FOCAD: variants seen among roughly 807,000 people sequenced by gnomAD.
FOCAD encodes the protein focadhesin, also known as KIAA1797.
In FOCAD, 198 loss-of-function variants were observed where a neutral mutation model predicts 225.6. The ratio of observed to expected loss-of-function variants is 0.88; its 90% CI spans 0.78 to 0.99. FOCAD has a LOEUF of 0.99. Among genes scored for constraint, FOCAD ranks in the 50% least tolerant of loss-of-function variants. The pLI is 0.00. For synonymous variants in FOCAD, 897 were observed against 755.0 expected (o/e 1.19, Z -3.08); for missense variants, 2,713 against 2,123.6 (o/e 1.28, Z -5.46).
intron 24 of FOCAD, among the ~76,000 whole-genome samples, chr9:20,922,420 G>A (rs1834527262): frequency 6.6e-6 from 1 of 152,190 alleles, no homozygotes; most frequent in African/African-American, 2.4e-5. Flanking sequence ...AAGGGAGAGG[G>A]GGAAGGAAGG....
intron 4 of FOCAD, among the ~76,000 whole-genome samples, chr9:20,724,455 A>G (rs1418260407): frequency 3.3e-5 from 5 of 152,200 alleles, no homozygotes; most frequent in African/African-American, 1.2e-4. Context: ...GATGCTGGAC[A>G]TTTTAAACAA....
intron 18 of FOCAD, among the ~76,000 whole-genome samples, chr9:20,868,985 A>T (rs185119176): frequency 2.8e-4 from 42 of 152,306 alleles, no homozygotes; most frequent in Admixed American, 2.7e-3. Context: ...AAGTCCAGAA[A>T]GTGTTCAATG....
chr9:20,755,112 T>C (rs1038569614), intron 5 of FOCAD, among the ~76,000 whole-genome samples: 9 of 152,230 alleles, frequency 5.9e-5, no homozygotes, highest in African/African-American at 2.2e-4. Context: ...TCTCCTCTTA[T>C]ACTTCCCTTT....
chr9:20,986,232 T>A, intron 39 of FOCAD, 56 bp from the exon 40 acceptor site: 1 of 1,387,030 alleles, frequency 7.2e-7, no homozygotes, highest in Non-Finnish European at 9.4e-7. Context: ...TGAAATTCTG[T>A]AGCTACTTCA....
At chr9:20,662,718 A>G (rs915295343) in intron 2 of FOCAD, among the ~76,000 whole-genome samples, 25 of 152,040 alleles carry the variant, frequency 1.6e-4, no homozygotes, top group African/African-American at 5.8e-4. Flanking sequence ...CCAAAGTGCT[A>G]GGATTACAGG....
At chr9:20,775,139 C>T (rs756654369) in intron 8 of FOCAD, among the ~76,000 whole-genome samples, 1 of 152,080 alleles carries the variant, frequency 6.6e-6, no homozygotes, top group Non-Finnish European at 1.5e-5. Flanking sequence ...CTTATATCAG[C>T]GTTGTATCAT....
chr9:20,876,100 C>G (rs1397981070), intron 19 of FOCAD, among the ~76,000 whole-genome samples: 1 of 152,138 alleles, frequency 6.6e-6, no homozygotes, highest in African/African-American at 2.4e-5. Flanking sequence ...TTTTACAGTT[C>G]CCTGCCTCCT....
At chr9:20,741,062 A>T (rs1827574799) in intron 5 of FOCAD, among the ~76,000 whole-genome samples, 1 of 152,200 alleles carries the variant, frequency 6.6e-6, no homozygotes, top group African/African-American at 2.4e-5. Context: ...TCAGTGAGGC[A>T]TTCAGAATGT....
chr9:20,839,961 G>A (rs1826354035), intron 15 of FOCAD, among the ~76,000 whole-genome samples: 1 of 152,026 alleles, frequency 6.6e-6, no homozygotes, highest in Admixed American at 6.6e-5. Context: ...TCAAAAATTA[G>A]TTCACTCTAG....
chr9:20,930,132 C>G (rs1170635327), intron 27 of FOCAD, among the ~76,000 whole-genome samples: 1 of 152,150 alleles, frequency 6.6e-6, no homozygotes, highest in Non-Finnish European at 1.5e-5. Context: ...GAGTCTTAAT[C>G]TGTGCATATT....
At chr9:20,857,835 A>G (rs1471875205) in intron 15 of FOCAD, among the ~76,000 whole-genome samples, 1 of 129,440 alleles carries the variant, frequency 7.7e-6, no homozygotes, top group African/African-American at 3.1e-5. Flanking sequence ...GTTCTTTTTC[A>G]GCATCAGTTG....
chr9:20,980,481 T>A lies in FOCAD; in HGVS notation c.4378-945T>A, dbSNP rs547095232. Among the ~76,000 whole-genome samples, 7 of 123,990 alleles carry A rather than the reference T, an allele frequency of 5.6e-5. No individual in the cohort carries two copies. In the East Asian group the frequency reaches 1.8e-3, roughly 32 times the overall value. The allele number at this position is 123,990 out of a possible 152,430, so 81.3% of individuals were successfully genotyped here. A position where few individuals can be genotyped will look rare whatever the true frequency, so the allele number is the denominator to read the frequency against. ...CTGTGCATTTGTCTTTGATTATTTA[T>A]CTTTATTGTTATCTTGGTTAATAAA... On this transcript the variant is annotated intron_variant, in intron 37 of 43. Transcript: ENST00000338382.
intron 15 of FOCAD, among the ~76,000 whole-genome samples, chr9:20,844,725 C>G (rs1030902475): frequency 1.3e-5 from 2 of 151,814 alleles, no homozygotes; most frequent in Non-Finnish European, 2.9e-5. Context: ...AAGCAGAGAT[C>G]GAAGTCACTT....
intron 2 of FOCAD, among the ~76,000 whole-genome samples, chr9:20,678,807 G>T (rs1017865617): frequency 6.6e-6 from 1 of 152,102 alleles, no homozygotes. Flanking sequence ...GGCGTGATTT[G>T]GGGGCCCCAA....
chr9:20,858,845 G>GACTA (rs59083583), intron 15 of FOCAD, among the ~76,000 whole-genome samples: 1 of 151,746 alleles, frequency 6.6e-6, no homozygotes, highest in Non-Finnish European at 1.5e-5. Flanking sequence ...TTCATTGACT[G>GACTA]GTCTTTCAGG....
chr9:20,938,126 T>C (rs1335807146), intron 28 of FOCAD, among the ~76,000 whole-genome samples: 1 of 152,220 alleles, frequency 6.6e-6, no homozygotes, highest in Non-Finnish European at 1.5e-5. Context: ...TTTTACACTG[T>C]TGGTGGGACC....
At chr9:20,964,750 G>A (rs936441556) in intron 35 of FOCAD, among the ~76,000 whole-genome samples, 1 of 152,128 alleles carries the variant, frequency 6.6e-6, no homozygotes, top group African/African-American at 2.4e-5. Flanking sequence ...TGGCCAGGAT[G>A]GTCTTGATCT....
chr9:20,915,691 C>T (rs1229972915), intron 23 of FOCAD, among the ~76,000 whole-genome samples: 1 of 152,066 alleles, frequency 6.6e-6, no homozygotes, highest in Non-Finnish European at 1.5e-5. Flanking sequence ...AGCTGGTGGG[C>T]TTGTTCTGCT....
intron 1 of FOCAD, among the ~76,000 whole-genome samples, chr9:20,689,134 G>T (rs770955342): frequency 1.3e-5 from 2 of 152,202 alleles, no homozygotes; most frequent in Non-Finnish European, 2.9e-5. Flanking sequence ...ACAAGTGTTT[G>T]TAGCTAAAAG....
Sources: allele counts gnomAD v4.1 joint callset (sites outside exome capture counted in the v4.1 genomes callset), GRCh38; gene constraint gnomAD v4.1.1; transcripts MANE v1.5; gene names NCBI Gene and HGNC (gene_info 2026-07-23, HGNC 2026-07-21).